Variants in POM121 observed in about 807,000 individuals in gnomAD.
POM121 encodes the protein nuclear envelope pore membrane protein POM 121.
A neutral mutation model predicts 81.3 loss-of-function variants in POM121; 32 were observed. The observed-to-expected ratio is 0.39, with a 90% CI of 0.30 to 0.53. The LOEUF is 0.53. POM121 is among the 20% of genes least tolerant of loss of function. The probability of loss-of-function intolerance (pLI) is 0.66; values close to 1 mark genes in which losing one functional copy is unlikely to be tolerated. For missense variants in POM121, 1,138 were observed against 1,614.6 expected (o/e 0.70, Z 5.06); for synonymous variants, 514 against 694.2 (o/e 0.74, Z 4.08).
At position 72,925,298 on chromosome 7, in the gene POM121, C is replaced by T. The variant is rs1180846830; in HGVS notation, c.177C>T (p.Thr59=). The part of the protein sequence containing the change: ...VPAAAALAWL[T]VGATAAWWGL... The stretch of plus-strand genomic sequence containing the variant: ...CTGCGGCTGCACTGGCCTGGCTGAC[C>T]GTGGGGGCTACCGCGGCCTGGTGGG... Residue 59 remains threonine (T), a synonymous_variant, in exon 1 of 13, where the codon ACC becomes ACT. Transcript: ENST00000434423. 7 of 1,534,394 alleles carry T rather than the reference C, an allele frequency of 4.6e-6. No homozygotes were observed. Among genetic ancestry groups the T allele is most frequent in the African/African-American group, 1.4e-5 (1 of 72,994 alleles).
At chr7:72,944,428 G>C (rs1314693070) in intron 11 of POM121, among the ~76,000 whole-genome samples, 3 of 152,060 alleles carry the variant, frequency 2.0e-5, no homozygotes, top group Admixed American at 6.6e-5. Context: ...GGGGTCTTTT[G>C]AAATAGTCAT....
At position 72,946,471 on chromosome 7, in the gene POM121, G is replaced by T; in HGVS notation, c.*237G>T. The stretch of plus-strand genomic sequence containing the variant: ...AAAGCCCGGGACCTCTACTTGAACA[G>T]TTCTACTGGGGAGGCTGGAGAACTA... On this transcript the variant is annotated 3_prime_UTR_variant, in exon 13 of 13. Transcript: ENST00000434423. The T allele has an allele frequency of 7.4e-7, 1 of 1,357,134 alleles. No homozygotes were observed. Among genetic ancestry groups the T allele is most frequent in the Non-Finnish European group, 9.5e-7 (1 of 1,051,840 alleles). 84.1% of individuals were successfully genotyped at this position (1,357,134 alleles called of 1,614,324 possible).
At chr7:72,934,454 A>C (rs1563162421) in intron 5 of POM121, among the ~76,000 whole-genome samples, 2 of 152,172 alleles carry the variant, frequency 1.3e-5, no homozygotes, top group Non-Finnish European at 2.9e-5. Context: ...GCTGTCTGTC[A>C]TGTATGTGTT....
intron 1 of POM121, among the ~76,000 whole-genome samples, chr7:72,889,737 C>T (rs1244890259): frequency 2.0e-5 from 3 of 152,168 alleles, no homozygotes; most frequent in East Asian, 1.9e-4. Context: ...AACCTGGTCT[C>T]GAACTCCTGA....
At chr7:72,897,819 A>G (rs550554959) in intron 3 of POM121, among the ~76,000 whole-genome samples, 1 of 152,234 alleles carries the variant, frequency 6.6e-6, no homozygotes, top group African/African-American at 2.4e-5. Flanking sequence ...CCAGGAGTTC[A>G]AGGCTAGCCT....
At chr7:72,925,050 G>C, upstream of POM121, 1 of 1,351,242 alleles carries the variant, frequency 7.4e-7, no homozygotes, top group Non-Finnish European at 9.4e-7. Flanking sequence ...GACGTAGAGG[G>C]CGCGCGATGA....
At chr7:72,914,097 T>TA (rs1402750634) in intron 4 of POM121, among the ~76,000 whole-genome samples, 1 of 152,268 alleles carries the variant, frequency 6.6e-6, no homozygotes, top group Non-Finnish European at 1.5e-5. Flanking sequence ...TCTGCTGTGT[T>TA]GTCGTGGAAT....
Position 72,926,261 on chromosome 7 carries a change from G to T in POM121, c.645-1G>T, listed in dbSNP as rs1321391386. Reference sequence around the variant, plus strand: ...CGTGATTTGTCTCGCATTCTCTGCAGGGATTGTGGGACTTTACCAAATCGG... The same window carrying T: ...CGTGATTTGTCTCGCATTCTCTGCATGGATTGTGGGACTTTACCAAATCGG... On this transcript the variant is annotated splice_acceptor_variant, in intron 1 of 12. Coordinates refer to ENST00000434423, the MANE Select transcript of POM121 (RefSeq NM_001387691.1). LOFTEE classifies it high-confidence loss of function. 6.4e-7 allele frequency: 1 copy of T among 1,555,096 alleles called. No individual in the cohort carries two copies. The highest frequency in any genetic ancestry group is 2.0e-5 in the Admixed American group (1 of 51,188).
At chr7:72,891,037 C>T (rs1425159601) in exon 3 of POM121, 3 of 790,298 alleles carry the variant, frequency 3.8e-6, no homozygotes, top group South Asian at 3.3e-5. Context: ...CCAAGCCAAA[C>T]GTCATCATTA....
chr7:72,943,404 A>T lies in POM121; in HGVS notation c.3411A>T (p.Thr1137=), dbSNP rs368004545. ...TTGGAGCAGGACAGAGTGGGAGCACAGCCACCTCCACCCCCTTCGCAGGGG... is the reference window on the plus strand; with the variant it reads ...TTGGAGCAGGACAGAGTGGGAGCACTGCCACCTCCACCCCCTTCGCAGGGG... ...FSFGAGQSGS[T]ATSTPFAGGL... Residue 1137 remains threonine (T), a synonymous_variant, in exon 11 of 13, where the codon ACA becomes ACT. Transcript: ENST00000434423. The T allele has an allele frequency of 3.7e-6, 6 of 1,613,376 alleles. No homozygotes were observed. The highest frequency in any genetic ancestry group is 5.1e-6 in the Non-Finnish European group (6 of 1,179,772).
chr7:72,926,482 G>A lies in POM121; in HGVS notation c.860+5G>A. 6.2e-7 allele frequency: 1 copy of A among 1,613,894 alleles called. No individual in the cohort carries two copies. Among genetic ancestry groups the A allele is most frequent in the Non-Finnish European group, 8.5e-7 (1 of 1,179,860 alleles). ...AAGATTTTCGCGTTCTGCGATGTGA[G>A]TATTATCGTTGGAAGAATACTCTCC... On this transcript the variant is annotated splice_donor_5th_base_variant and intron_variant, in intron 2 of 12. Transcript: ENST00000434423.
At chr7:72,918,959 G>A (rs1191457335) in intron 4 of POM121, among the ~76,000 whole-genome samples, 3 of 152,004 alleles carry the variant, frequency 2.0e-5, no homozygotes, top group East Asian at 1.9e-4. Context: ...CACCACACCC[G>A]GCTAATTTTT....
chr7:72,927,072 C>G (rs1470259576), intron 3 of POM121, 109 bp downstream of exon 3: 7 of 1,543,960 alleles, frequency 4.5e-6, no homozygotes, highest in East Asian at 2.2e-5. Flanking sequence ...TATGAGCCTT[C>G]GTAGGCCCCC....
rs142905898 is a variant in POM121 at position 72,943,053 on chromosome 7, G to A, written c.3060G>A (p.Ala1020=). The change falls in exon 11 of 13, where the codon GCG becomes GCA. Residue 1020 remains alanine, a synonymous_variant. Coordinates refer to ENST00000434423, the MANE Select transcript of POM121 (RefSeq NM_001387691.1). ...APPSMIKVVP[A]YVPTPIHPIF... ...CGTCCATGATCAAGGTCGTGCCTGC[G>A]TACGTGCCTACGCCCATCCATCCTA... is the stretch of plus-strand genomic sequence containing the variant. The A allele has an allele frequency of 3.3e-3, 5,270 of 1,613,880 alleles. 27 individuals are homozygous for A. Among genetic ancestry groups the A allele is most frequent in the Non-Finnish European group, 3.5e-3 (4,153 of 1,179,864 alleles).
At position 72,947,160 on chromosome 7, in the gene POM121, C is replaced by T; in HGVS notation, c.*926C>T. 7.7e-6 allele frequency: 3 copies of T among 388,038 alleles called. 1 individual carries two copies. Among genetic ancestry groups the T allele is most frequent in the Non-Finnish European group, 9.5e-6 (3 of 314,998 alleles). The allele number at this position is 388,038 out of a possible 1,614,324, so 24.0% of individuals were successfully genotyped here. The stretch of plus-strand genomic sequence containing the variant: ...AAGAGTTGAGTTGTATGAGTGGCGG[C>T]ATGTTGGTAGTGCCGGACTTCCTGT... On this transcript the variant is annotated 3_prime_UTR_variant, in exon 13 of 13. Coordinates refer to ENST00000434423, the MANE Select transcript of POM121 (RefSeq NM_001387691.1).
chr7:72,894,249 G>A (rs1226968686), intron 3 of POM121, among the ~76,000 whole-genome samples: 4 of 151,732 alleles, frequency 2.6e-5, no homozygotes, highest in Non-Finnish European at 5.9e-5. Flanking sequence ...GAGCCTGGGC[G>A]ACAGAGCGAG....
rs1286508284 is a variant in POM121, at chr7:72,897,539, G to T, written c.-216+6429G>T. On this transcript the variant is annotated intron_variant, in intron 3 of 15. Transcript: ENST00000395270. ...GGGAATCTTTGCAGGTTGAACAGAG[G>T]ACTAATGAGATTCAACTTAGTGTTT... Among the ~76,000 whole-genome samples, 9 of 152,262 alleles carry T rather than the reference G, an allele frequency of 5.9e-5. No individual in the cohort carries two copies. In the East Asian group the frequency reaches 1.7e-3, roughly 29 times the overall value.
intron 3 of POM121, among the ~76,000 whole-genome samples, chr7:72,893,490 A>C (rs1290091029): frequency 3.3e-5 from 5 of 152,030 alleles, no homozygotes; most frequent in African/African-American, 9.7e-5. Flanking sequence ...AGGCTGAGGC[A>C]AGAGAATGGC....
intron 3 of POM121, among the ~76,000 whole-genome samples, chr7:72,906,388 A>G (rs545127057): frequency 6.2e-4 from 95 of 152,272 alleles, no homozygotes; most frequent in African/African-American, 2.1e-3. Context: ...TGCTTCGGGA[A>G]CTCAGGCTCA....
Sources: allele counts gnomAD v4.1 joint callset (sites outside exome capture counted in the v4.1 genomes callset), GRCh38; gene constraint gnomAD v4.1.1; transcripts MANE v1.5; gene names NCBI Gene and HGNC (gene_info 2026-07-23, HGNC 2026-07-21).